NT5DC3: variants seen among roughly 807,000 people sequenced by gnomAD.
The protein encoded by NT5DC3 is 5'-nucleotidase domain-containing protein 3.
Under a neutral mutation model 67.8 loss-of-function variants are expected in NT5DC3, and 42 were observed. The observed-to-expected ratio is 0.62, with a 90% CI of 0.48 to 0.80. The LOEUF is 0.80. Among genes scored for constraint, NT5DC3 ranks in the 30% least tolerant of loss-of-function variants. NT5DC3 has a pLI of 0.00. For synonymous variants in NT5DC3, 237 were observed against 255.6 expected, an observed-to-expected ratio of 0.93 and a Z score of 0.69; for missense variants, 570 against 696.4, an observed-to-expected ratio of 0.82 and a Z score of 2.04.
chr12:103,796,852 T>A, intron 6 of NT5DC3, 42 bp downstream of exon 6: 1 of 1,611,094 alleles, frequency 6.2e-7, no homozygotes, highest in South Asian at 1.1e-5. Context: ...CTGAAAAGGC[T>A]GAAACAGACT....
chr12:103,836,911 G>T (rs1888172623), intron 1 of NT5DC3, among the ~76,000 whole-genome samples: 1 of 152,132 alleles, frequency 6.6e-6, no homozygotes, highest in African/African-American at 2.4e-5. Flanking sequence ...GGAGGAGAGT[G>T]GCCCTCTTCT....
intron 4 of NT5DC3, among the ~76,000 whole-genome samples, chr12:103,804,740 G>A (rs928269718): frequency 2.6e-5 from 4 of 152,118 alleles, no homozygotes; most frequent in Admixed American, 2.0e-4. Context: ...GAAAATAATC[G>A]CACGGCACTA....
chr12:103,746,790 G>A, the NT5DC3 span: 1 of 1,374,708 alleles, frequency 7.3e-7, no homozygotes, highest in Non-Finnish European at 1.0e-6. Context: ...CTTCATCCTA[G>A]CCCTCCTTCC....
At chr12:103,818,675 CACA>C (rs1887366600) in intron 1 of NT5DC3, among the ~76,000 whole-genome samples, 1 of 152,184 alleles carries the variant, frequency 6.6e-6, no homozygotes, top group Admixed American at 6.5e-5. Context: ...TGCACCCAGC[CACA>C]ACAACCATGG....
intron 5 of NT5DC3, among the ~76,000 whole-genome samples, chr12:103,797,910 G>A (rs1886390765): frequency 6.6e-6 from 1 of 152,144 alleles, no homozygotes; most frequent in African/African-American, 2.4e-5. Flanking sequence ...AGCATTCTCA[G>A]AACATTTATA....
At chr12:103,780,646 C>T (rs7297948) in intron 12 of NT5DC3, among the ~76,000 whole-genome samples, 68 of 152,304 alleles carry the variant, frequency 4.5e-4, no homozygotes, top group African/African-American at 1.6e-3. Flanking sequence ...TACATATAAA[C>T]ATAATGCATG....
chr12:103,827,531 C>A (rs898794389), intron 1 of NT5DC3, among the ~76,000 whole-genome samples: 9 of 152,006 alleles, frequency 5.9e-5, no homozygotes, highest in African/African-American at 1.9e-4. Context: ...TTTTTCTGCT[C>A]GAATGAGAAC....
chr12:103,762,200 C>T, the NT5DC3 span: 20 of 1,584,282 alleles, frequency 1.3e-5, no homozygotes, highest in East Asian at 2.2e-5. Context: ...CAGAATGCCT[C>T]GGGCCACCAA....
chr12:103,763,845 C>T, the NT5DC3 span: 1 of 386,002 alleles, frequency 2.6e-6, no homozygotes, highest in East Asian at 4.2e-5. Flanking sequence ...CAGGCGAGAA[C>T]AAGAGGTTGT....
At chr12:103,834,051 T>C (rs1204153259) in intron 1 of NT5DC3, among the ~76,000 whole-genome samples, 1 of 152,120 alleles carries the variant, frequency 6.6e-6, no homozygotes, top group Admixed American at 6.5e-5. Flanking sequence ...CTGTGCACTG[T>C]AGGATGTTTA....
At chr12:103,749,279 T>C in the NT5DC3 span, 2 of 1,137,180 alleles carry the variant, frequency 1.8e-6, no homozygotes, top group South Asian at 2.1e-5. Context: ...TCTAGCACAG[T>C]CTGTTTCTTG....
At chr12:103,796,369 T>C (rs1170311206) in intron 6 of NT5DC3, among the ~76,000 whole-genome samples, 20 of 152,076 alleles carry the variant, frequency 1.3e-4, no homozygotes, top group Admixed American at 1.3e-3. Flanking sequence ...ATACAAAAAT[T>C]AGCCAGGCGT....
intron 5 of NT5DC3, among the ~76,000 whole-genome samples, chr12:103,797,500 C>T (rs1406571569): frequency 6.6e-6 from 1 of 151,636 alleles, no homozygotes; most frequent in East Asian, 1.9e-4. Context: ...AAAATGTTCC[C>T]CTTGTTCCTT....
At chr12:103,762,365 G>C in the NT5DC3 span, 4 of 1,614,140 alleles carry the variant, frequency 2.5e-6, no homozygotes, top group Non-Finnish European at 2.5e-6. Context: ...TCCTACTTTC[G>C]GATAAACCGG....
intron 9 of NT5DC3, among the ~76,000 whole-genome samples, chr12:103,792,831 TTC>T (rs1021048781): frequency 8.9e-4 from 135 of 152,338 alleles, no homozygotes; most frequent in African/African-American, 3.0e-3. Flanking sequence ...TGCTGTTGTT[TTC>T]TGATGCTTCA....
At chr12:103,785,301 GA>G (rs1885715529) in intron 12 of NT5DC3, 33 bp downstream of exon 12, 3 of 1,608,972 alleles carry the variant, frequency 1.9e-6, no homozygotes, top group Middle Eastern at 3.3e-4. Context: ...CAGGCTTAAA[GA>G]AAAAGTGAGA....
In NT5DC3 at chr12:103,776,657, A is replaced by G. The variant is rs2139293830; in HGVS notation, c.*1172T>C. The stretch of plus-strand genomic sequence containing the variant: ...GCCCTTTCCCATCTTAGACATCTAA[A>G]AAAAAACAAAACAAAACAAAAAAAA... On this transcript the variant is annotated 3_prime_UTR_variant, in exon 14 of 14. Transcript: ENST00000392876. The G allele has an allele frequency of 7.3e-6, 1 of 136,892 alleles. No individual in the cohort carries two copies. The highest frequency in any genetic ancestry group is 2.2e-4 in the East Asian group (1 of 4,448). The allele number at this position is 136,892 out of a possible 1,614,324, so 8.5% of individuals were successfully genotyped here.
chr12:103,755,501 C>T, the NT5DC3 span: 1,371 of 1,610,786 alleles, frequency 8.5e-4, 3 homozygotes, highest in Non-Finnish European at 1.1e-3. Context: ...GGTTCTGGGC[C>T]ACACAGCTGC....
chr12:103,833,669 C>T (rs1435968114), intron 1 of NT5DC3, among the ~76,000 whole-genome samples: 4 of 151,666 alleles, frequency 2.6e-5, no homozygotes, highest in Non-Finnish European at 5.9e-5. Flanking sequence ...ATAACCCCAG[C>T]CAAGTAGTGA....
Sources: allele counts gnomAD v4.1 joint callset (sites outside exome capture counted in the v4.1 genomes callset), GRCh38; gene constraint gnomAD v4.1.1; transcripts MANE v1.5; gene names NCBI Gene and HGNC (gene_info 2026-07-23, HGNC 2026-07-21).